Variants in EFHD1 observed in about 807,000 individuals in gnomAD.
EFHD1 encodes the protein EF-hand domain family member D1, also known as EF-hand domain-containing protein D1.
A neutral mutation model predicts 17.2 loss-of-function variants in EFHD1; 10 were observed. The observed-to-expected ratio is 0.58, with a 90% CI of 0.36 to 0.99. The LOEUF (loss-of-function observed/expected upper bound fraction) is 0.99. Ranked by LOEUF, EFHD1 falls within the 50% of genes least tolerant of loss-of-function variation. EFHD1 has a pLI of 0.01. For synonymous variants in EFHD1, 153 were observed against 142.0 expected (o/e 1.08, Z -0.55); for missense variants, 310 against 327.5 (o/e 0.95, Z 0.41).
intron 1 of EFHD1, among the ~76,000 whole-genome samples, chr2:232,612,734 CTTTT>C (rs112158565): frequency 2.2e-5 from 3 of 133,570 alleles, no homozygotes; most frequent in Non-Finnish European, 1.6e-5. Context: ...TTTTTCTTTT[CTTTT>C]TTTTTTTTTT....
rs62193265 is a variant in EFHD1, at chr2:232,677,075, C to A, written c.586-4510C>A. Among the ~76,000 whole-genome samples the A allele has an allele frequency of 2.9e-3, 446 of 151,966 alleles. 1 individual carries two copies. Among genetic ancestry groups the A allele is most frequent in the Non-Finnish European group, 5.5e-3 (371 of 67,948 alleles). On this transcript the variant is annotated intron_variant, in intron 3 of 3. Transcript: ENST00000264059. ...GTCCCTGCCTCTAGGGATTATAATTCCATAAAAGTAAAAGTGACCTGGTGC... is the reference window on the plus strand; with the variant it reads ...GTCCCTGCCTCTAGGGATTATAATTACATAAAAGTAAAAGTGACCTGGTGC...
intron 1 of EFHD1, among the ~76,000 whole-genome samples, chr2:232,613,991 T>C (rs1018789831): frequency 6.0e-5 from 9 of 150,200 alleles, no homozygotes; most frequent in Admixed American, 4.0e-4. Flanking sequence ...CACACATACA[T>C]ACACATGTGC....
chr2:232,662,717 C>G, intron 1 of EFHD1, 85 bp from the exon 2 acceptor site: 1 of 1,521,302 alleles, frequency 6.6e-7, no homozygotes, highest in South Asian at 1.3e-5. Flanking sequence ...AGTCATTTTT[C>G]GATGAATGAA....
At chr2:232,623,027 ACTTTTCTT>A in intron 1 of EFHD1, among the ~76,000 whole-genome samples, 1 of 151,892 alleles carries the variant, frequency 6.6e-6, no homozygotes, top group Non-Finnish European at 1.5e-5. Context: ...CCACTAGAAA[ACTTTTCTT>A]CTTTTCTTTT....
chr2:232,623,692 A>AAAG (rs764686769), intron 1 of EFHD1, among the ~76,000 whole-genome samples: 190 of 101,920 alleles, frequency 1.9e-3, no homozygotes, highest in Middle Eastern at 4.8e-3. Flanking sequence ...AAAAAAAAAA[A>AAAG]AAGAAGAAGA....
intron 1 of EFHD1, 48 bp downstream of exon 1, chr2:232,634,054 G>A (rs749662313): frequency 6.3e-7 from 1 of 1,590,796 alleles, no homozygotes; most frequent in African/African-American, 1.3e-5. Flanking sequence ...GGGAGGGAGC[G>A]GGAGGGCTTT....
intron 1 of EFHD1, among the ~76,000 whole-genome samples, chr2:232,652,830 A>G (rs1454613510): frequency 6.6e-6 from 1 of 152,184 alleles, no homozygotes; most frequent in East Asian, 1.9e-4. Flanking sequence ...TTGCAAATCC[A>G]GGCCCTAAAG....
intron 1 of EFHD1, among the ~76,000 whole-genome samples, chr2:232,650,311 T>TTA (rs1255706392): frequency 6.7e-6 from 1 of 149,106 alleles, no homozygotes; most frequent in Non-Finnish European, 1.5e-5. Flanking sequence ...TTTTTTTTTT[T>TTA]AAGAAGGTGT....
intron 1 of EFHD1, chr2:232,638,380 T>A (rs887755032): frequency 6.4e-6 from 3 of 471,050 alleles, no homozygotes; most frequent in African/African-American, 6.0e-5. Context: ...AACATTTGGC[T>A]ATGGGAAAGT....
chr2:232,678,176 G>A (rs1429672101), intron 3 of EFHD1, among the ~76,000 whole-genome samples: 2 of 151,686 alleles, frequency 1.3e-5, no homozygotes, highest in African/African-American at 4.8e-5. Context: ...CCAGCTACTC[G>A]GGAGGCAGGA....
intron 1 of EFHD1, among the ~76,000 whole-genome samples, chr2:232,610,511 C>G (rs1693795372): frequency 6.6e-6 from 1 of 151,882 alleles, no homozygotes; most frequent in African/African-American, 2.4e-5. Flanking sequence ...GGAGGCGGAG[C>G]TTGCAATGAG....
intron 1 of EFHD1, among the ~76,000 whole-genome samples, chr2:232,617,981 A>G (rs1038289760): frequency 9.9e-5 from 15 of 151,612 alleles, no homozygotes; most frequent in Non-Finnish European, 1.3e-4. Context: ...AAAAACCCTT[A>G]TAACTCAACA....
chr2:232,613,661 T>C (rs200668073), intron 1 of EFHD1, among the ~76,000 whole-genome samples: 5 of 128,716 alleles, frequency 3.9e-5, no homozygotes, highest in South Asian at 2.5e-4. Flanking sequence ...CACACACAAA[T>C]ACACACACAC....
At chr2:232,612,253 C>T (rs1301112243) in intron 1 of EFHD1, among the ~76,000 whole-genome samples, 1 of 152,164 alleles carries the variant, frequency 6.6e-6, no homozygotes, top group Non-Finnish European at 1.5e-5. Flanking sequence ...ATTTCTCCCT[C>T]TTTTGGATAT....
intron 2 of EFHD1, among the ~76,000 whole-genome samples, chr2:232,667,462 A>G (rs966818568): frequency 1.3e-5 from 2 of 152,138 alleles, no homozygotes; most frequent in Non-Finnish European, 2.9e-5. Flanking sequence ...TGCCTCTCCC[A>G]GTTCCAGTCC....
intron 2 of EFHD1, among the ~76,000 whole-genome samples, chr2:232,670,315 C>T (rs571292921): frequency 4.4e-4 from 67 of 152,234 alleles, no homozygotes; most frequent in Middle Eastern, 6.8e-3. Flanking sequence ...ATGTCACGCT[C>T]CTGTAATCCA....
At chr2:232,655,246 C>T (rs182052083) in intron 1 of EFHD1, among the ~76,000 whole-genome samples, 2 of 152,174 alleles carry the variant, frequency 1.3e-5, no homozygotes, top group African/African-American at 2.4e-5. Context: ...ACTTGACCTG[C>T]TGGGCTCAAG....
chr2:232,675,798 C>T (rs1695161239), intron 3 of EFHD1, among the ~76,000 whole-genome samples: 1 of 152,042 alleles, frequency 6.6e-6, no homozygotes, highest in Non-Finnish European at 1.5e-5. Context: ...CTCTGGAAGT[C>T]TCAGTGTTCA....
intron 1 of EFHD1, among the ~76,000 whole-genome samples, chr2:232,634,870 G>A (rs569057191): frequency 2.0e-5 from 3 of 152,380 alleles, no homozygotes; most frequent in East Asian, 3.9e-4. Flanking sequence ...CCAGAATTGA[G>A]CCGAGACCGG....
Sources: allele counts gnomAD v4.1 joint callset (sites outside exome capture counted in the v4.1 genomes callset), GRCh38; gene constraint gnomAD v4.1.1; transcripts MANE v1.5; gene names NCBI Gene and HGNC (gene_info 2026-07-23, HGNC 2026-07-21).